Variants in APC observed in about 807,000 individuals in gnomAD.
APC encodes adenomatous polyposis coli protein.
APC carries 72 observed loss-of-function variants against 247.0 expected under a neutral mutation model. The observed-to-expected ratio is 0.29, with a 90% CI of 0.24 to 0.35. APC has a LOEUF of 0.35. Among genes scored for constraint, APC ranks in the 10% least tolerant of loss-of-function variants. APC has a pLI of 1.00. For synonymous variants in APC, 1,254 were observed against 1,162.5 expected (o/e 1.08, Z -1.60); for missense variants, 3,400 against 3,360.7 (o/e 1.01, Z -0.29).
At chr5:112,734,581 A>G (rs1752270708), upstream of APC, among the ~76,000 whole-genome samples, 1 of 152,206 alleles carries the variant, frequency 6.6e-6, no homozygotes, top group African/African-American at 2.4e-5. Flanking sequence ...TTCTATGTCT[A>G]AGGTCTTCGG....
chr5:112,721,839 A>G (rs1441727639), intron 1 of APC, among the ~76,000 whole-genome samples: 6 of 152,232 alleles, frequency 3.9e-5, no homozygotes, highest in South Asian at 2.1e-4. Context: ...TGGGCCACAC[A>G]TAAAATACAC....
chr5:112,728,640 G>GTT (rs56038117), intron 1 of APC, among the ~76,000 whole-genome samples: 1 of 149,552 alleles, frequency 6.7e-6, no homozygotes, highest in African/African-American at 2.5e-5. Context: ...AGGTGATTGT[G>GTT]TTTTTTTTTT....
chr5:112,707,882 GGTGA>G lies in APC; in HGVS notation c.165+6_165+9del, dbSNP rs2149631531. 11 of 1,368,556 alleles carry G rather than the reference GGTGA, an allele frequency of 8.0e-6. No individual in the cohort carries two copies. The highest frequency in any genetic ancestry group is 9.6e-6 in the Non-Finnish European group (10 of 1,037,784). The allele number at this position is 1,368,556 out of a possible 1,614,324, so 84.8% of individuals were successfully genotyped here. ...CTGGCCACTGGGCGAGCGTCTGGCA[GGTGA>G]GTGAGGCTGCAGGCATTGACGTCTC... On this transcript the variant is annotated splice_donor_variant and splice_donor_region_variant and intron_variant, in intron 1 of 13. Coordinates refer to the APC transcript ENST00000507379. LOFTEE classifies it high-confidence loss of function.
chr5:112,743,439 A>AT (rs1753272488), intron 1 of APC, among the ~76,000 whole-genome samples: 3 of 152,156 alleles, frequency 2.0e-5, no homozygotes, highest in Middle Eastern at 6.8e-3. Context: ...AAGCTGAAGG[A>AT]TTTTTTTAGT....
intron 4 of APC, among the ~76,000 whole-genome samples, chr5:112,773,845 T>C (rs1046188344): frequency 6.6e-6 from 1 of 152,186 alleles, no homozygotes; most frequent in African/African-American, 2.4e-5. Context: ...AAATGGTTTA[T>C]AAACTTGAAC....
At chr5:112,719,675 C>CA (rs1275364847) in intron 1 of APC, among the ~76,000 whole-genome samples, 1 of 151,760 alleles carries the variant, frequency 6.6e-6, no homozygotes, top group Non-Finnish European at 1.5e-5. Context: ...GCTGGAATGA[C>CA]AGGTGCGCAC....
In APC at chr5:112,756,565, G is replaced by T. The variant is rs987557950; in HGVS notation, c.135+1540G>T. ...CATCTACTTTAGTATGGTATATTTC[G>T]CAGAGAACTCCTCCTGGCAGGCCTG... On this transcript the variant is annotated intron_variant, in intron 2 of 15. Transcript: ENST00000257430. 3.9e-5 allele frequency among the ~76,000 whole-genome samples: 6 copies of T among 152,108 alleles called. No individual in the cohort carries two copies. In the South Asian group the frequency reaches 1.2e-3, roughly 32 times the overall value.
intron 4 of APC, among the ~76,000 whole-genome samples, chr5:112,769,955 G>A (rs888420408): frequency 6.6e-6 from 1 of 152,074 alleles, no homozygotes; most frequent in African/African-American, 2.4e-5. Context: ...AAAATAAGGA[G>A]TGAACTTGGG....
rs141420534 is a variant in APC, at chr5:112,795,278, G to A, written c.729+2749G>A. On this transcript the variant is annotated intron_variant, in intron 7 of 15. Transcript: ENST00000257430. ...CCTGACCTCATGATCTGCCCGCCTC[G>A]GCCTCCCAAAGTGTTAGGATTACAG... is the stretch of plus-strand genomic sequence containing the variant. Among the ~76,000 whole-genome samples the A allele has an allele frequency of 4.5e-3, 682 of 152,166 alleles. 6 individuals carry two copies. Among genetic ancestry groups the A allele is most frequent in the African/African-American group, 0.016 (659 of 41,508 alleles).
chr5:112,724,473 T>C (rs1751659880), intron 1 of APC, among the ~76,000 whole-genome samples: 1 of 152,174 alleles, frequency 6.6e-6, no homozygotes, highest in Admixed American at 6.5e-5. Context: ...CTAGAATACA[T>C]TTGAGAATAC....
intron 1 of APC, among the ~76,000 whole-genome samples, chr5:112,752,583 G>A (rs1179916134): frequency 6.6e-6 from 1 of 152,200 alleles, no homozygotes; most frequent in Non-Finnish European, 1.5e-5. Context: ...TTCATGGTGT[G>A]TGGCAGCTGT....
intron 1 of APC, among the ~76,000 whole-genome samples, chr5:112,719,882 G>C (rs1168949483): frequency 6.6e-6 from 1 of 152,184 alleles, no homozygotes; most frequent in South Asian, 2.1e-4. Context: ...TCTATGCCAT[G>C]TAGGTGTCAT....
intron 8 of APC, among the ~76,000 whole-genome samples, chr5:112,811,180 G>A (rs1260837909): frequency 6.6e-6 from 1 of 152,190 alleles, no homozygotes; most frequent in African/African-American, 2.4e-5. Flanking sequence ...AGGACAGTGG[G>A]AAATAGTGTC....
Position 112,792,598 on chromosome 5 carries a change from A to G in APC, c.729+69A>G, listed in dbSNP as rs1055061615. On this transcript the variant is annotated intron_variant, in intron 7 of 15. Transcript: ENST00000257430. Reference sequence around the variant, plus strand: ...GTTATTCTGAGAAAAGAAAACATGTATAATTTAATGTGACACCATTGAAAT... The same window carrying G: ...GTTATTCTGAGAAAAGAAAACATGTGTAATTTAATGTGACACCATTGAAAT... 6.2e-6 allele frequency: 7 copies of G among 1,128,898 alleles called. No individual in the cohort carries two copies. In the Admixed American group the frequency reaches 1.0e-4, roughly 17 times the overall value. 69.9% of individuals were successfully genotyped at this position (1,128,898 alleles called of 1,614,324 possible).
Position 112,815,496 on chromosome 5 carries a change from G to A in APC, c.836G>A (p.Gly279Asp), listed in dbSNP as rs587780607. The change falls in exon 9 of 16, where the codon GGT becomes GAT. Residue 279 changes from glycine (G) to aspartate (D), a missense_variant and splice_region_variant. Physicochemically the swap from Gly to Asp is moderately conservative, Grantham distance 94 (BLOSUM62 -1). Transcript: ENST00000257430. ...INMATSGNGQGSTTRMDHETA... is the reference protein window; with the variant it reads ...INMATSGNGQDSTTRMDHETA... The stretch of plus-strand genomic sequence containing the variant: ...ATCTATAATGTGCTTAATTTTTAGG[G>A]TTCAACTACACGAATGGACCATGAA... 2 of 1,609,964 alleles carry A rather than the reference G, an allele frequency of 1.2e-6. No individual in the cohort carries two copies. The highest frequency in any genetic ancestry group is 1.7e-6 in the Non-Finnish European group (2 of 1,177,158).
chr5:112,756,114 A>G (rs1486407107), intron 2 of APC, among the ~76,000 whole-genome samples: 2 of 151,876 alleles, frequency 1.3e-5, no homozygotes, highest in African/African-American at 4.8e-5. Context: ...TTTCCTATGC[A>G]TTTCAAGGTT....
At chr5:112,711,747 G>A (rs1207839404) in intron 1 of APC, among the ~76,000 whole-genome samples, 1 of 152,158 alleles carries the variant, frequency 6.6e-6, no homozygotes, top group Non-Finnish European at 1.5e-5. Flanking sequence ...CCAAAGAGAT[G>A]TTTTGGCTCT....
intron 9 of APC, 34 bp downstream of exon 9, chr5:112,815,627 C>A (rs1329864587): frequency 6.5e-7 from 1 of 1,529,308 alleles, no homozygotes; most frequent in Non-Finnish European, 9.0e-7. Context: ...GTCACTAATG[C>A]CATGACTACT....
At chr5:112,824,457 CTTT>C (rs1310961455) in intron 11 of APC, among the ~76,000 whole-genome samples, 1 of 152,040 alleles carries the variant, frequency 6.6e-6, no homozygotes, top group African/African-American at 2.4e-5. Context: ...TTTGAATGTT[CTTT>C]TTTTATTAGC....
Sources: allele counts gnomAD v4.1 joint callset (sites outside exome capture counted in the v4.1 genomes callset), GRCh38; gene constraint gnomAD v4.1.1; transcripts MANE v1.5; gene names NCBI Gene and HGNC (gene_info 2026-07-23, HGNC 2026-07-21).